PPP3CA: variants seen among roughly 807,000 people sequenced by gnomAD.
PPP3CA encodes CAM-PRP catalytic subunit.
Under a neutral mutation model 66.5 loss-of-function variants are expected in PPP3CA, and 14 were observed. The ratio of observed to expected loss-of-function variants is 0.21; its 90% confidence interval spans 0.14 to 0.33. PPP3CA has a LOEUF of 0.33. Among genes scored for constraint, PPP3CA ranks in the 10% least tolerant of loss-of-function variants. The pLI, the probability that PPP3CA is intolerant of heterozygous loss-of-function variation, is 1.00. For missense variants in PPP3CA, 317 were observed against 639.5 expected (o/e 0.50, Z 5.44); for synonymous variants, 232 against 226.2 (o/e 1.03, Z -0.23).
intron 10 of PPP3CA, among the ~76,000 whole-genome samples, chr4:101,056,679 T>G (rs1728235468): frequency 6.6e-6 from 1 of 152,126 alleles, no homozygotes; most frequent in African/African-American, 2.4e-5. Context: ...TTTGGATGTC[T>G]TCTGATTTCT....
At chr4:101,112,325 G>C (rs1476601229) in intron 2 of PPP3CA, among the ~76,000 whole-genome samples, 1 of 152,040 alleles carries the variant, frequency 6.6e-6, no homozygotes, top group African/African-American at 2.4e-5. Context: ...TAATAACTTT[G>C]TGATAAGAGA....
chr4:101,085,187 C>CT (rs1334555703), intron 6 of PPP3CA, among the ~76,000 whole-genome samples: 1 of 152,152 alleles, frequency 6.6e-6, no homozygotes, highest in East Asian at 1.9e-4. Context: ...CCTTCCCTAT[C>CT]TTTTTTCTTT....
At chr4:101,346,511 G>C (rs1247378316) in intron 1 of PPP3CA, among the ~76,000 whole-genome samples, 2 of 151,912 alleles carry the variant, frequency 1.3e-5, no homozygotes, top group African/African-American at 4.8e-5. Flanking sequence ...TGACGCCCCC[G>C]TCAATAAAAA....
intron 2 of PPP3CA, among the ~76,000 whole-genome samples, chr4:101,132,185 T>G (rs985235184): frequency 6.6e-6 from 1 of 152,042 alleles, no homozygotes; most frequent in South Asian, 2.1e-4. Context: ...AACATCACAA[T>G]TAAAGAGCTA....
intron 2 of PPP3CA, among the ~76,000 whole-genome samples, chr4:101,142,339 A>C (rs1003641729): frequency 3.3e-5 from 5 of 152,242 alleles, no homozygotes; most frequent in African/African-American, 1.2e-4. Flanking sequence ...AGAGCTGCTT[A>C]GTGAATCAGA....
chr4:101,053,155 T>C (rs1728081948), intron 10 of PPP3CA, among the ~76,000 whole-genome samples: 1 of 152,136 alleles, frequency 6.6e-6, no homozygotes, highest in Admixed American at 6.6e-5. Context: ...GTAAAAACAA[T>C]GTGATATTAG....
At chr4:101,342,647 T>A (rs1163760940) in intron 1 of PPP3CA, among the ~76,000 whole-genome samples, 1 of 152,132 alleles carries the variant, frequency 6.6e-6, no homozygotes, top group Non-Finnish European at 1.5e-5. Flanking sequence ...TAAATTTAAA[T>A]TCATGATATT....
chr4:101,300,230 T>C (rs182826846), intron 1 of PPP3CA, among the ~76,000 whole-genome samples: 17 of 152,284 alleles, frequency 1.1e-4, no homozygotes, highest in Admixed American at 7.2e-4. Context: ...GTCCACTCAT[T>C]AAACATTTCA....
intron 1 of PPP3CA, among the ~76,000 whole-genome samples, chr4:101,212,606 C>A (rs190291547): frequency 6.6e-6 from 1 of 152,016 alleles, no homozygotes; most frequent in Admixed American, 6.5e-5. Flanking sequence ...TGCACATGTA[C>A]CCCTAAATTT....
chr4:101,093,880 A>T lies in PPP3CA; in HGVS notation c.678T>A (p.Pro226=), dbSNP rs749129349. 2 of 1,612,592 alleles carry T rather than the reference A, an allele frequency of 1.2e-6. No homozygotes were observed. The highest frequency in any genetic ancestry group is 1.7e-6 in the Non-Finnish European group (2 of 1,179,252). The change falls in exon 6 of 14, where the codon CCT becomes CCA. Residue 226 remains proline, a synonymous_variant. Coordinates refer to ENST00000394854, the MANE Select transcript of PPP3CA (RefSeq NM_000944.5). ...DRFKEPPAYG[P]MCDILWSDPL... is the part of the protein sequence containing the mutation. ...GGTCTGACCACAGGATATCACACAT[A>T]GGTCCATATGCAGGTGGTTCTTTGA...
intron 1 of PPP3CA, among the ~76,000 whole-genome samples, chr4:101,258,317 G>T (rs1726908423): frequency 6.6e-6 from 1 of 152,050 alleles, no homozygotes; most frequent in South Asian, 2.1e-4. Context: ...ATCCCTCAAG[G>T]TCAACTTGCC....
chr4:101,161,926 T>G (rs1723523715), intron 2 of PPP3CA, among the ~76,000 whole-genome samples: 1 of 152,134 alleles, frequency 6.6e-6, no homozygotes, highest in Non-Finnish European at 1.5e-5. Flanking sequence ...TTTACCTTGA[T>G]AGTCCACATC....
intron 2 of PPP3CA, among the ~76,000 whole-genome samples, chr4:101,120,042 G>GA (rs1241086061): frequency 6.6e-6 from 1 of 151,970 alleles, no homozygotes; most frequent in East Asian, 1.9e-4. Context: ...TAAAATCTAA[G>GA]AAAATCTGTT....
chr4:101,064,482 G>A (rs1213479558), intron 8 of PPP3CA, among the ~76,000 whole-genome samples: 1 of 151,980 alleles, frequency 6.6e-6, no homozygotes, highest in Non-Finnish European at 1.5e-5. Flanking sequence ...TTAGAAGACA[G>A]TAACCAACAG....
At chr4:101,092,729 A>G (rs956671374) in intron 6 of PPP3CA, among the ~76,000 whole-genome samples, 1 of 152,084 alleles carries the variant, frequency 6.6e-6, no homozygotes, top group Non-Finnish European at 1.5e-5. Context: ...CATTGGGGCA[A>G]AAATAATAGT....
At chr4:101,227,054 T>C (rs1560668746) in intron 1 of PPP3CA, among the ~76,000 whole-genome samples, 1 of 151,756 alleles carries the variant, frequency 6.6e-6, no homozygotes, top group African/African-American at 2.4e-5. Flanking sequence ...TGTGGCTCTA[T>C]TGATAGGTTC....
At chr4:101,304,587 CATCT>C (rs1266231097) in intron 1 of PPP3CA, among the ~76,000 whole-genome samples, 1 of 152,156 alleles carries the variant, frequency 6.6e-6, no homozygotes, top group African/African-American at 2.4e-5. Flanking sequence ...CAAAATTGCT[CATCT>C]AGACAAGACT....
intron 1 of PPP3CA, among the ~76,000 whole-genome samples, chr4:101,221,600 A>G (rs1725626686): frequency 6.6e-6 from 1 of 151,652 alleles, no homozygotes; most frequent in Non-Finnish European, 1.5e-5. Flanking sequence ...AAAAGAATAT[A>G]TAAGAAGAAA....
chr4:101,251,196 A>G (rs536843044), intron 1 of PPP3CA, among the ~76,000 whole-genome samples: 1 of 152,222 alleles, frequency 6.6e-6, no homozygotes, highest in Non-Finnish European at 1.5e-5. Flanking sequence ...AGAACAATGA[A>G]AGAAAACAAC....
Sources: allele counts gnomAD v4.1 joint callset (sites outside exome capture counted in the v4.1 genomes callset), GRCh38; gene constraint gnomAD v4.1.1; transcripts MANE v1.5; gene names NCBI Gene and HGNC (gene_info 2026-07-23, HGNC 2026-07-21).